PHACTR3: variants seen among roughly 807,000 people sequenced by gnomAD.
PHACTR3 encodes the protein protein phosphatase 1, regulatory subunit 123.
In PHACTR3, 16 loss-of-function variants were observed where a neutral mutation model predicts 66.8. The ratio of observed to expected loss-of-function variants is 0.24; its 90% CI spans 0.16 to 0.36. The LOEUF (loss-of-function observed/expected upper bound fraction) is 0.36, where lower values mean the gene tolerates loss of function less well. PHACTR3 is among the 10% of genes least tolerant of loss of function. PHACTR3 has a pLI of 1.00. For missense variants in PHACTR3, 647 were observed against 719.9 expected, an observed-to-expected ratio of 0.90 and a Z score of 1.16; for synonymous variants, 323 against 292.1, an observed-to-expected ratio of 1.11 and a Z score of -1.08.
chr20:59,698,171 A>T (rs1209017551), intron 1 of PHACTR3, among the ~76,000 whole-genome samples: 1 of 152,238 alleles, frequency 6.6e-6, no homozygotes, highest in Non-Finnish European at 1.5e-5. Flanking sequence ...AGTTAAAAGT[A>T]ATGAACTAAA....
rs1398136387 is a variant in PHACTR3 at position 59,767,544 on chromosome 20, G to T, written c.751+149G>T. ...CATACCTTCAACCAGTCTTGATTGG[G>T]CACCAACTGTGGGCTGGTTCTCATC... On this transcript the variant is annotated intron_variant, in intron 5 of 12. Coordinates refer to ENST00000371015, the MANE Select transcript of PHACTR3 (RefSeq NM_080672.5). The T allele has an allele frequency of 5.2e-6, 5 of 965,858 alleles. No individual in the cohort carries two copies. The African/African-American group carries it at 8.1e-5, about 16-fold the overall frequency. 59.8% of individuals were successfully genotyped at this position (965,858 alleles called of 1,614,324 possible).
At chr20:59,756,473 G>A (rs59694542) in intron 4 of PHACTR3, among the ~76,000 whole-genome samples, 11,326 of 152,152 alleles carry the variant, frequency 0.074, 952 homozygotes, top group East Asian at 0.41. Context: ...CGTCCACAAC[G>A]CCCCTGCAGC....
intron 7 of PHACTR3, among the ~76,000 whole-genome samples, chr20:59,791,329 G>A (rs1045630381): frequency 5.3e-5 from 8 of 152,136 alleles, no homozygotes; most frequent in African/African-American, 1.9e-4. Context: ...CCAAAACTGT[G>A]AGCCAATAAA....
intron 1 of PHACTR3, among the ~76,000 whole-genome samples, chr20:59,581,121 G>A (rs75297459): frequency 0.094 from 14,234 of 151,830 alleles, 787 homozygotes; most frequent in South Asian, 0.16. Context: ...GAAGGACATG[G>A]GTACTGGGGG....
At chr20:59,799,001 A>T (rs145556440) in intron 7 of PHACTR3, among the ~76,000 whole-genome samples, 183 of 152,232 alleles carry the variant, frequency 1.2e-3, no homozygotes, top group African/African-American at 4.2e-3. Flanking sequence ...ATTTGTTTCA[A>T]AACACTTTCA....
intron 1 of PHACTR3, among the ~76,000 whole-genome samples, chr20:59,639,888 A>G (rs1232897045): frequency 1.3e-5 from 2 of 152,158 alleles, no homozygotes; most frequent in Non-Finnish European, 2.9e-5. Flanking sequence ...TTCCTCTTCC[A>G]TGTTCTCCGT....
intron 1 of PHACTR3, among the ~76,000 whole-genome samples, chr20:59,685,872 C>G (rs1210220750): frequency 6.6e-6 from 1 of 152,196 alleles, no homozygotes; most frequent in Admixed American, 6.5e-5. Context: ...CCACAACTTG[C>G]CCATCATGAG....
At chr20:59,656,357 G>A (rs1359458954) in intron 1 of PHACTR3, among the ~76,000 whole-genome samples, 1 of 151,524 alleles carries the variant, frequency 6.6e-6, no homozygotes, top group Non-Finnish European at 1.5e-5. Flanking sequence ...TCATTTTTAT[G>A]CCTCCCTGAT....
intron 1 of PHACTR3, among the ~76,000 whole-genome samples, chr20:59,688,381 G>A (rs756099662): frequency 6.6e-5 from 10 of 152,166 alleles, no homozygotes; most frequent in Non-Finnish European, 1.3e-4. Context: ...TATCCCTGGT[G>A]GAACAGCATT....
At chr20:59,743,377 G>A in intron 2 of PHACTR3, 109 bp downstream of exon 2, 1 of 1,386,114 alleles carries the variant, frequency 7.2e-7, no homozygotes, top group Non-Finnish European at 9.8e-7. Flanking sequence ...CACAGGAGGG[G>A]CAGATGTGCT....
At chr20:59,691,362 T>G (rs2037100283) in intron 1 of PHACTR3, among the ~76,000 whole-genome samples, 1 of 152,228 alleles carries the variant, frequency 6.6e-6, no homozygotes, top group African/African-American at 2.4e-5. Flanking sequence ...GCCAACCTAC[T>G]TTTCTATTTT....
At chr20:59,674,488 C>T (rs978253093) in intron 1 of PHACTR3, among the ~76,000 whole-genome samples, 1 of 85,322 alleles carries the variant, frequency 1.2e-5, no homozygotes, top group Non-Finnish European at 2.1e-5. Flanking sequence ...CCCTTGTTCT[C>T]GTTCCCCTTC....
intron 1 of PHACTR3, among the ~76,000 whole-genome samples, chr20:59,675,978 G>C (rs2146526869): frequency 6.6e-6 from 1 of 152,326 alleles, no homozygotes; most frequent in African/African-American, 2.4e-5. Context: ...GTGCACCAAG[G>C]GTCCCTGGCT....
At chr20:59,585,132 C>T (rs946986262) in intron 1 of PHACTR3, among the ~76,000 whole-genome samples, 1 of 152,110 alleles carries the variant, frequency 6.6e-6, no homozygotes, top group African/African-American at 2.4e-5. Flanking sequence ...AGTGAGCAAC[C>T]CGAGAGAAAC....
At chr20:59,733,995 C>T (rs150024585) in intron 1 of PHACTR3, among the ~76,000 whole-genome samples, 13 of 152,050 alleles carry the variant, frequency 8.5e-5, no homozygotes, top group East Asian at 5.8e-4. Context: ...CCATCCTCAC[C>T]GAGATTCCAC....
intron 1 of PHACTR3, among the ~76,000 whole-genome samples, chr20:59,680,692 A>T (rs1601087202): frequency 2.0e-5 from 3 of 152,046 alleles, no homozygotes; most frequent in South Asian, 4.1e-4. Flanking sequence ...AACTATCATT[A>T]GTGTTAGCGT....
intron 9 of PHACTR3, 28 bp downstream of exon 9, chr20:59,836,588 T>C (rs1172444982): frequency 6.2e-7 from 1 of 1,602,902 alleles, no homozygotes; most frequent in Non-Finnish European, 8.5e-7. Context: ...CCTCTAGAGG[T>C]TTTCCTTCAC....
chr20:59,579,008 C>T (rs749307916), intron 1 of PHACTR3, among the ~76,000 whole-genome samples: 1 of 152,178 alleles, frequency 6.6e-6, no homozygotes, highest in Admixed American at 6.5e-5. Flanking sequence ...GGCAGAAGCC[C>T]CTCCCCCAGT....
upstream of PHACTR3, chr20:59,603,952 G>C (rs1246242901): frequency 3.9e-5 from 6 of 152,414 alleles, no homozygotes; most frequent in East Asian, 1.2e-3. Flanking sequence ...CTCTGTGAGT[G>C]GCAGCCCTGG....
Sources: allele counts gnomAD v4.1 joint callset (sites outside exome capture counted in the v4.1 genomes callset), GRCh38; gene constraint gnomAD v4.1.1; transcripts MANE v1.5; gene names NCBI Gene and HGNC (gene_info 2026-07-23, HGNC 2026-07-21).